Variants in MACROD2 observed in about 807,000 individuals in gnomAD.
MACROD2 encodes mono-ADP ribosylhydrolase 2.
In MACROD2, 36 loss-of-function variants were observed where a neutral mutation model predicts 70.4. The observed-to-expected ratio is 0.51, with a 90% CI of 0.39 to 0.68. The LOEUF is 0.68. Ranked by LOEUF, MACROD2 falls within the 30% of genes least tolerant of loss-of-function variation. MACROD2 has a pLI of 0.00. For missense variants in MACROD2, 496 were observed against 538.4 expected (o/e 0.92, Z 0.78); for synonymous variants, 172 against 178.8 (o/e 0.96, Z 0.30).
chr20:14,831,105 A>T lies in MACROD2; in HGVS notation c.418+146146A>T, dbSNP rs115308868. On this transcript the variant is annotated intron_variant, in intron 5 of 17. Coordinates refer to ENST00000684519, the MANE Select transcript of MACROD2 (RefSeq NM_001351661.2). ...CACTTTGCTCACCTGGGTTTCCCCA[A>T]GTGTTGTGTTTCACCACTGGGAGGA... is the stretch of plus-strand genomic sequence containing the variant. 6.2e-3 allele frequency among the ~76,000 whole-genome samples: 936 copies of T among 152,128 alleles called. 13 individuals carry two copies. The highest frequency in any genetic ancestry group is 0.021 in the African/African-American group (869 of 41,526).
chr20:15,512,402 T>A (rs1304223816), intron 8 of MACROD2, among the ~76,000 whole-genome samples: 2 of 152,256 alleles, frequency 1.3e-5, no homozygotes, highest in Non-Finnish European at 2.9e-5. Flanking sequence ...TTGCCTTTGA[T>A]GCCTCTATGC....
chr20:15,624,438 G>C (rs1157891185), intron 8 of MACROD2, among the ~76,000 whole-genome samples: 1 of 152,182 alleles, frequency 6.6e-6, no homozygotes, highest in South Asian at 2.1e-4. Context: ...CATCACAGGA[G>C]ATAAATCCCT....
chr20:14,147,232 T>C (rs1423132946), intron 3 of MACROD2, among the ~76,000 whole-genome samples: 2 of 152,178 alleles, frequency 1.3e-5, no homozygotes, highest in Non-Finnish European at 2.9e-5. Context: ...TAAATACATT[T>C]CCCAAGGTGG....
intron 5 of MACROD2, among the ~76,000 whole-genome samples, chr20:14,910,542 G>A (rs2074014190): frequency 6.6e-6 from 1 of 152,238 alleles, no homozygotes; most frequent in South Asian, 2.1e-4. Flanking sequence ...GAGAGCCCGA[G>A]AAGGGGCTGC....
intron 2 of MACROD2, among the ~76,000 whole-genome samples, chr20:14,025,623 G>C (rs2053151983): frequency 1.3e-5 from 2 of 152,120 alleles, no homozygotes; most frequent in Admixed American, 1.3e-4. Context: ...TTCAGGAGCA[G>C]GTTGTTTAGT....
chr20:15,591,047 A>G (rs1452567795), intron 8 of MACROD2, among the ~76,000 whole-genome samples: 2 of 152,114 alleles, frequency 1.3e-5, no homozygotes, highest in Non-Finnish European at 2.9e-5. Context: ...ATTTGTAACT[A>G]TTTTCTTTTA....
At chr20:14,039,877 T>C (rs1369456170) in intron 2 of MACROD2, among the ~76,000 whole-genome samples, 1 of 152,012 alleles carries the variant, frequency 6.6e-6, no homozygotes, top group African/African-American at 2.4e-5. Flanking sequence ...TTTACCCAGC[T>C]CAAAGAAATG....
chr20:14,131,739 T>C (rs752358918), intron 3 of MACROD2, among the ~76,000 whole-genome samples: 7 of 152,096 alleles, frequency 4.6e-5, no homozygotes, highest in Non-Finnish European at 1.0e-4. Context: ...ATTTAAAAAA[T>C]TTTTTCAGAG....
intron 4 of MACROD2, among the ~76,000 whole-genome samples, chr20:14,516,351 G>T (rs2085099545): frequency 6.6e-6 from 1 of 151,956 alleles, no homozygotes; most frequent in Non-Finnish European, 1.5e-5. Flanking sequence ...CATTGCTTTT[G>T]GTGTTTAGTC....
At chr20:14,546,366 A>G (rs2085491783) in intron 4 of MACROD2, among the ~76,000 whole-genome samples, 1 of 152,188 alleles carries the variant, frequency 6.6e-6, no homozygotes, top group South Asian at 2.1e-4. Context: ...AGAATCCTCC[A>G]GGAGAAATAT....
chr20:15,054,812 C>T (rs1013735356), intron 5 of MACROD2, among the ~76,000 whole-genome samples: 2 of 152,160 alleles, frequency 1.3e-5, no homozygotes, highest in Non-Finnish European at 2.9e-5. Context: ...GAGATGGAGT[C>T]TCACTCTGTC....
intron 5 of MACROD2, among the ~76,000 whole-genome samples, chr20:15,125,039 T>C (rs1350652900): frequency 6.6e-6 from 1 of 152,124 alleles, no homozygotes; most frequent in Admixed American, 6.6e-5. Flanking sequence ...AGGTGGAAAT[T>C]ATTTGGCTAA....
chr20:15,443,215 G>A (rs2046519063), intron 7 of MACROD2, among the ~76,000 whole-genome samples: 2 of 152,100 alleles, frequency 1.3e-5, no homozygotes, highest in Admixed American at 1.3e-4. Context: ...GGAGTCCTGA[G>A]CAGATATGGA....
intron 8 of MACROD2, among the ~76,000 whole-genome samples, chr20:15,575,688 A>G (rs1015008487): frequency 1.3e-5 from 2 of 152,208 alleles, no homozygotes; most frequent in Non-Finnish European, 2.9e-5. Flanking sequence ...TGATTTTTAA[A>G]ACATTTCATG....
rs569784237 is a variant in MACROD2, at chr20:15,703,383, A to G, written c.646-159362A>G. Among the ~76,000 whole-genome samples, 369 of 151,996 alleles carry G rather than the reference A, an allele frequency of 2.4e-3. 3 individuals carry two copies. Among genetic ancestry groups the G allele is most frequent in the African/African-American group, 8.5e-3 (354 of 41,444 alleles). On this transcript the variant is annotated intron_variant, in intron 8 of 17. Coordinates refer to ENST00000684519, the MANE Select transcript of MACROD2 (RefSeq NM_001351661.2). ...GTTGACACAGCCTCTGTCACTTCCTATTTTCTCTCTGACTCAGGAAGGAGT... is the reference window on the plus strand; with the variant it reads ...GTTGACACAGCCTCTGTCACTTCCTGTTTTCTCTCTGACTCAGGAAGGAGT...
chr20:15,879,327 CT>C (rs1370121880), intron 9 of MACROD2, among the ~76,000 whole-genome samples: 5 of 151,944 alleles, frequency 3.3e-5, no homozygotes, highest in African/African-American at 7.3e-5. Context: ...AGACTATCAC[CT>C]TTTTTTAATA....
chr20:14,299,341 G>A (rs1298541680), intron 3 of MACROD2, among the ~76,000 whole-genome samples: 1 of 152,032 alleles, frequency 6.6e-6, no homozygotes, highest in Non-Finnish European at 1.5e-5. Flanking sequence ...AAGATATAAG[G>A]CATATTGCAT....
At chr20:15,153,279 AT>A in intron 5 of MACROD2, among the ~76,000 whole-genome samples, 1 of 152,120 alleles carries the variant, frequency 6.6e-6, no homozygotes, top group Middle Eastern at 3.4e-3. Context: ...GGGTGGGGCT[AT>A]TTTATAGGAT....
Position 14,518,360 on chromosome 20 carries a change from C to T in MACROD2, c.301+24852C>T, listed in dbSNP as rs1009364539. Among the ~76,000 whole-genome samples, 8 of 152,152 alleles carry T rather than the reference C, an allele frequency of 5.3e-5. No homozygotes were observed. The East Asian group carries it at 1.5e-3, about 29-fold the overall frequency. ...CTGTCTTTTCTTCACAATATTTTTA[C>T]AAATTATGTCATTTTTAGAGTCATT... On this transcript the variant is annotated intron_variant, in intron 4 of 17. Coordinates refer to ENST00000684519, the MANE Select transcript of MACROD2 (RefSeq NM_001351661.2).
Sources: gnomAD v4.1 joint callset for allele counts (sites outside exome capture counted in the v4.1 genomes callset) on GRCh38, gnomAD v4.1.1 for gene constraint, MANE v1.5 for transcripts, NCBI Gene and HGNC (gene_info 2026-07-23, HGNC 2026-07-21) for gene names.